The following UMAD1 variants were observed in gnomAD, a reference collection of about 807,000 sequenced individuals.
UMAD1 encodes UBAP1-MVB12-associated (UMA)-domain containing protein 1.
Under a neutral mutation model 6.1 loss-of-function variants are expected in UMAD1, and 8 were observed. That is an observed-to-expected ratio of 1.30 (90% CI 0.76 to 2.35). UMAD1 has a LOEUF of 2.35. Ranked by LOEUF, UMAD1 falls within the 30% of genes most tolerant of loss-of-function variation. The pLI is 0.00. For missense variants in UMAD1, 130 were observed against 78.4 expected, an observed-to-expected ratio of 1.66 and a Z score of -2.49; for synonymous variants, 56 against 31.4, an observed-to-expected ratio of 1.78 and a Z score of -2.61.
At chr7:7,703,942 C>T (rs1780529709) in intron 2 of UMAD1, among the ~76,000 whole-genome samples, 1 of 149,090 alleles carries the variant, frequency 6.7e-6, no homozygotes, top group Non-Finnish European at 1.5e-5. Context: ...TGTCTCTTAA[C>T]AAAGGAAAGA....
intron 3 of UMAD1, among the ~76,000 whole-genome samples, chr7:7,823,978 G>A (rs1428607433): frequency 2.6e-5 from 4 of 152,186 alleles, no homozygotes; most frequent in South Asian, 4.2e-4. Context: ...CATAGAGAAC[G>A]TGCATTTCCT....
intron 2 of UMAD1, among the ~76,000 whole-genome samples, chr7:7,707,568 T>C (rs921106098): frequency 2.0e-5 from 3 of 152,204 alleles, no homozygotes; most frequent in Non-Finnish European, 4.4e-5. Flanking sequence ...GTGATTTCAC[T>C]ACTTATTAAG....
chr7:7,711,023 C>T (rs1780745798), intron 2 of UMAD1, among the ~76,000 whole-genome samples: 1 of 151,982 alleles, frequency 6.6e-6, no homozygotes, highest in Admixed American at 6.6e-5. Flanking sequence ...TCATTGGTCG[C>T]CGGTGGGTAA....
chr7:7,775,363 G>C (rs1782182559), intron 2 of UMAD1, among the ~76,000 whole-genome samples: 1 of 152,208 alleles, frequency 6.6e-6, no homozygotes, highest in African/African-American at 2.4e-5. Context: ...CATGGGGGCA[G>C]TTTCCACCAT....
intron 2 of UMAD1, among the ~76,000 whole-genome samples, chr7:7,774,906 T>C (rs541835838): frequency 1.3e-5 from 2 of 152,328 alleles, no homozygotes; most frequent in South Asian, 4.1e-4. Flanking sequence ...ACTTTCTGTC[T>C]CTTCCTCGCA....
At position 7,651,015 on chromosome 7, in the gene UMAD1, G is replaced by A. The variant is rs541258973; in HGVS notation, c.-64+10194G>A. Among the ~76,000 whole-genome samples, 3 of 152,252 alleles carry A rather than the reference G, an allele frequency of 2.0e-5. No homozygotes were observed. In the East Asian group the frequency reaches 5.8e-4, roughly 29 times the overall value. On this transcript the variant is annotated intron_variant, in intron 1 of 3. Coordinates refer to ENST00000682710, the MANE Select transcript of UMAD1 (RefSeq NM_001302348.2). ...AGAGCATTTGTGGTACAAAAAGCCAGGTGCATGACCTTTGAGCAACCCCTC... is the reference window on the plus strand; with the variant it reads ...AGAGCATTTGTGGTACAAAAAGCCAAGTGCATGACCTTTGAGCAACCCCTC...
chr7:7,754,652 A>G (rs370220443), intron 2 of UMAD1, among the ~76,000 whole-genome samples: 1 of 152,182 alleles, frequency 6.6e-6, no homozygotes, highest in Non-Finnish European at 1.5e-5. Context: ...TTAAATTTTC[A>G]TTTCACCAAG....
chr7:7,667,420 T>C (rs563813392), intron 1 of UMAD1, among the ~76,000 whole-genome samples: 2 of 152,156 alleles, frequency 1.3e-5, no homozygotes, highest in Non-Finnish European at 2.9e-5. Flanking sequence ...TACCGCATAC[T>C]AGGCTTGGGG....
At chr7:7,716,102 C>T (rs1384835120) in intron 2 of UMAD1, among the ~76,000 whole-genome samples, 9 of 151,920 alleles carry the variant, frequency 5.9e-5, no homozygotes, top group Non-Finnish European at 1.5e-5. Flanking sequence ...AGAAAGCAAA[C>T]AAGCTGTGGC....
chr7:7,863,256 C>T (rs1784147964), intron 3 of UMAD1, among the ~76,000 whole-genome samples: 1 of 152,160 alleles, frequency 6.6e-6, no homozygotes, highest in African/African-American at 2.4e-5. Flanking sequence ...CTCTGAGCCT[C>T]AGAAGATTAG....
At chr7:7,774,476 C>T (rs1274232649) in intron 2 of UMAD1, among the ~76,000 whole-genome samples, 1 of 152,104 alleles carries the variant, frequency 6.6e-6, no homozygotes, top group East Asian at 1.9e-4. Flanking sequence ...ACCTGTTCTA[C>T]ATACCAAACA....
At position 7,782,533 on chromosome 7, in the gene UMAD1, A is replaced by AT. The variant is rs200856113; in HGVS notation, c.83-19129dup. ...TATCAGTTTACTTTCAATTTTTAAA[A>AT]TTTTTTTTATTTTCTTTTTTATTCA... On this transcript the variant is annotated intron_variant, in intron 2 of 3. Transcript: ENST00000682710. 5.4e-3 allele frequency among the ~76,000 whole-genome samples: 821 copies of AT among 151,858 alleles called. 5 individuals are homozygous for AT. Among genetic ancestry groups the AT allele is most frequent in the Middle Eastern group, 0.017 (5 of 294 alleles).
intron 3 of UMAD1, among the ~76,000 whole-genome samples, chr7:7,807,614 A>T (rs539736457): frequency 1.3e-5 from 2 of 152,214 alleles, no homozygotes; most frequent in Non-Finnish European, 2.9e-5. Context: ...AATAGAATTT[A>T]AAAAAGATCT....
Position 7,684,887 on chromosome 7 carries a change from G to A in UMAD1, c.82+11434G>A, listed in dbSNP as rs559144559. Among the ~76,000 whole-genome samples the A allele has an allele frequency of 3.6e-4, 55 of 152,198 alleles. No homozygotes were observed. The South Asian group carries it at 0.011, about 32-fold the overall frequency. On this transcript the variant is annotated intron_variant, in intron 2 of 3. Transcript: ENST00000682710. ...TCACTATGGTACTATTTCCTTGAAG[G>A]GTGCTTATTCCATACAACATCTGTA... is the stretch of plus-strand genomic sequence containing the variant.
At chr7:7,676,267 C>T (rs1373022556) in intron 2 of UMAD1, 4 of 398,012 alleles carry the variant, frequency 1.0e-5, no homozygotes, top group Middle Eastern at 6.3e-4. Flanking sequence ...GATATCGGTA[C>T]CTACCCCATG....
At position 7,705,720 on chromosome 7, in the gene UMAD1, A is replaced by G. The variant is rs28912699; in HGVS notation, c.82+32267A>G. On this transcript the variant is annotated intron_variant, in intron 2 of 3. Coordinates refer to ENST00000682710, the MANE Select transcript of UMAD1 (RefSeq NM_001302348.2). The stretch of plus-strand genomic sequence containing the variant: ...CTTATGTTAATATATTGGTGGGTAC[A>G]TGTCATTATAAATTTGTCCAAACTC... Among the ~76,000 whole-genome samples the G allele has an allele frequency of 4.5e-3, 679 of 152,310 alleles. 7 individuals carry two copies. The highest frequency in any genetic ancestry group is 0.016 in the African/African-American group (654 of 41,568).
At chr7:7,871,835 C>G (rs1784338032) in intron 3 of UMAD1, among the ~76,000 whole-genome samples, 1 of 124,106 alleles carries the variant, frequency 8.1e-6, no homozygotes, top group Non-Finnish European at 1.6e-5. Flanking sequence ...TCACAAATAA[C>G]AGAGAATTGT....
chr7:7,734,691 G>A (rs2115195886), intron 2 of UMAD1, among the ~76,000 whole-genome samples: 1 of 152,184 alleles, frequency 6.6e-6, no homozygotes, highest in Admixed American at 6.5e-5. Flanking sequence ...TATCCTCAAA[G>A]GCTTTTTTGA....
chr7:7,700,219 A>G (rs1349487151), intron 2 of UMAD1, among the ~76,000 whole-genome samples: 3 of 152,186 alleles, frequency 2.0e-5, no homozygotes, highest in Non-Finnish European at 2.9e-5. Context: ...CATAGATGGC[A>G]CTTTCTCCCT....
Sources: allele counts gnomAD v4.1 joint callset (sites outside exome capture counted in the v4.1 genomes callset), GRCh38; gene constraint gnomAD v4.1.1; transcripts MANE v1.5; gene names NCBI Gene and HGNC (gene_info 2026-07-23, HGNC 2026-07-21).